KLHL32: variants seen among roughly 807,000 people sequenced by gnomAD.
KLHL32 encodes the protein kelch like family member 32.
In KLHL32, 35 loss-of-function variants were observed where a neutral mutation model predicts 64.8. The ratio of observed to expected loss-of-function variants is 0.54; its 90% confidence interval spans 0.41 to 0.72. KLHL32 has a LOEUF of 0.72. KLHL32 is among the 30% of genes least tolerant of loss of function. The pLI, the probability that KLHL32 is intolerant of heterozygous loss-of-function variation, is 0.00. For missense variants in KLHL32, 589 were observed against 768.5 expected (o/e 0.77, Z 2.76); for synonymous variants, 259 against 281.0 (o/e 0.92, Z 0.78).
Position 97,113,946 on chromosome 6 carries a change from C to T in KLHL32, c.791C>T (p.Ala264Val). 6.2e-7 allele frequency: 1 copy of T among 1,614,178 alleles called. No individual in the cohort carries two copies. Among genetic ancestry groups the T allele is most frequent in the South Asian group, 1.1e-5 (1 of 91,074 alleles). Residue 264 changes from alanine to valine, a missense_variant, in exon 7 of 11, where the codon GCC becomes GTC. Transcript: ENST00000369261. ...SETATALVNE[A>V]LEYHQSIYAQ... ...ACTGCAACAGCCCTTGTCAACGAGGCCCTGGAATACCACCAGAGCATCTAT... is the reference window on the plus strand; with the variant it reads ...ACTGCAACAGCCCTTGTCAACGAGGTCCTGGAATACCACCAGAGCATCTAT...
At chr6:96,942,427 A>G (rs747245252) in intron 1 of KLHL32, among the ~76,000 whole-genome samples, 4 of 152,238 alleles carry the variant, frequency 2.6e-5, no homozygotes, top group Non-Finnish European at 4.4e-5. Context: ...CTACCATGCA[A>G]TAATTTCCCT....
chr6:97,054,269 A>T (rs1766471), intron 4 of KLHL32, among the ~76,000 whole-genome samples: 14,695 of 152,252 alleles, frequency 0.097, 758 homozygotes, highest in Non-Finnish European at 0.12. Context: ...GAATACTCTA[A>T]GTTAACTTGT....
At position 97,139,231 on chromosome 6, in the gene KLHL32, C is replaced by T. The variant is rs749394629; in HGVS notation, c.1812C>T (p.Cys604=). Residue 604 remains cysteine, a synonymous_variant, in exon 11 of 11, where the codon TGC becomes TGT. Transcript: ENST00000369261. ...ACFLPAPYFT[C]PNLQTLQVPH... ...TCCTTCCAGCTCCATATTTTACATG[C>T]CCTAACCTTCAAACTCTTCAAGTGC... 21 of 1,613,872 alleles carry T rather than the reference C, an allele frequency of 1.3e-5. No individual in the cohort carries two copies. The highest frequency in any genetic ancestry group is 1.6e-5 in the Non-Finnish European group (19 of 1,179,900).
intron 3 of KLHL32, among the ~76,000 whole-genome samples, chr6:96,989,979 A>T (rs945087384): frequency 2.0e-4 from 30 of 152,044 alleles, no homozygotes; most frequent in Non-Finnish European, 1.5e-5. Context: ...TTCATCTTTC[A>T]GCTCTTATAT....
chr6:96,976,509 A>C (rs1324514544), intron 3 of KLHL32, among the ~76,000 whole-genome samples: 1 of 152,236 alleles, frequency 6.6e-6, no homozygotes, highest in South Asian at 2.1e-4. Flanking sequence ...ATTCAGGATC[A>C]AAGACCAAGC....
intron 1 of KLHL32, among the ~76,000 whole-genome samples, chr6:96,960,251 A>G (rs751269601): frequency 2.9e-4 from 44 of 152,186 alleles, no homozygotes; most frequent in Non-Finnish European, 2.2e-4. Flanking sequence ...CACTCACATG[A>G]TGACCTGTGC....
chr6:96,946,945 T>C (rs1165105888), intron 1 of KLHL32, among the ~76,000 whole-genome samples: 4 of 151,852 alleles, frequency 2.6e-5, no homozygotes, highest in African/African-American at 7.3e-5. Flanking sequence ...TATATACTTA[T>C]TAACAGTGGG....
At chr6:97,029,535 T>G (rs1243150986) in intron 3 of KLHL32, among the ~76,000 whole-genome samples, 1 of 152,200 alleles carries the variant, frequency 6.6e-6, no homozygotes, top group Admixed American at 6.5e-5. Flanking sequence ...AGTATTATTA[T>G]ACTATGGGAG....
chr6:97,041,354 A>G, intron 3 of KLHL32, 138 bp from the exon 4 acceptor site: 2 of 612,514 alleles, frequency 3.3e-6, no homozygotes, highest in Admixed American at 2.8e-5. Context: ...TGTGAATGAC[A>G]CTTTCTAGAA....
chr6:96,901,892 A>T, the KLHL32 span, among the ~76,000 whole-genome samples: 1 of 152,186 alleles, frequency 6.6e-6, no homozygotes, highest in South Asian at 2.1e-4. Flanking sequence ...AGCTCCATCC[A>T]TGTCCCTGCA....
At chr6:96,947,975 G>A (rs1335024091) in intron 1 of KLHL32, among the ~76,000 whole-genome samples, 2 of 152,138 alleles carry the variant, frequency 1.3e-5, no homozygotes, top group Non-Finnish European at 2.9e-5. Context: ...TTGGCATAAA[G>A]AAATGAATTG....
intron 1 of KLHL32, among the ~76,000 whole-genome samples, chr6:96,958,246 C>G (rs979526866): frequency 2.0e-5 from 3 of 152,130 alleles, no homozygotes; most frequent in African/African-American, 7.2e-5. Context: ...AGTAGACCCC[C>G]CACCCCAACA....
At chr6:96,951,480 A>G (rs774729008) in intron 1 of KLHL32, among the ~76,000 whole-genome samples, 1 of 152,118 alleles carries the variant, frequency 6.6e-6, no homozygotes, top group East Asian at 1.9e-4. Flanking sequence ...CATGTGGGGC[A>G]TGTTGGACAG....
At chr6:97,064,055 T>A (rs1789327833) in intron 4 of KLHL32, among the ~76,000 whole-genome samples, 2 of 152,140 alleles carry the variant, frequency 1.3e-5, no homozygotes, top group Non-Finnish European at 2.9e-5. Flanking sequence ...CCTCCTTTAT[T>A]TTAAATAGAA....
intron 7 of KLHL32, among the ~76,000 whole-genome samples, chr6:97,122,243 T>C (rs1158270682): frequency 6.6e-6 from 1 of 152,240 alleles, no homozygotes; most frequent in Non-Finnish European, 1.5e-5. Context: ...TTTATAGGTA[T>C]TTTGTAAATT....
intron 6 of KLHL32, among the ~76,000 whole-genome samples, chr6:97,092,099 C>G (rs957827002): frequency 4.6e-5 from 7 of 152,062 alleles, no homozygotes; most frequent in African/African-American, 1.7e-4. Flanking sequence ...AAGTGATTCT[C>G]CAGCCTCCGC....
chr6:96,926,637 A>G (rs559610776), intron 1 of KLHL32, among the ~76,000 whole-genome samples: 110 of 152,296 alleles, frequency 7.2e-4, no homozygotes, highest in African/African-American at 2.6e-3. Context: ...CAAGTGAGAT[A>G]AAGGAGTGGA....
the KLHL32 span, among the ~76,000 whole-genome samples, chr6:96,911,824 C>CTTTTTT: frequency 7.1e-3 from 386 of 54,046 alleles, 98 homozygotes; most frequent in African/African-American, 0.026. Context: ...CTCGGTCCTT[C>CTTTTTT]TTTTTTTTTT....
At chr6:96,934,030 T>C (rs1182274463) in intron 1 of KLHL32, among the ~76,000 whole-genome samples, 1 of 152,224 alleles carries the variant, frequency 6.6e-6, no homozygotes, top group African/African-American at 2.4e-5. Context: ...TTTTCTCACA[T>C]TGTCATCCAT....
Sources: allele counts gnomAD v4.1 joint callset (sites outside exome capture counted in the v4.1 genomes callset), GRCh38; gene constraint gnomAD v4.1.1; transcripts MANE v1.5; gene names NCBI Gene and HGNC (gene_info 2026-07-23, HGNC 2026-07-21).